The following SAMD12 variants were observed in gnomAD, a reference collection of about 807,000 sequenced individuals.
The protein encoded by SAMD12 is sterile alpha motif domain containing 12.
SAMD12 carries 9 observed loss-of-function variants against 15.0 expected under a neutral mutation model. The observed-to-expected ratio is 0.60, with a 90% CI of 0.36 to 1.05. The LOEUF (loss-of-function observed/expected upper bound fraction) is 1.05, where lower values mean the gene tolerates loss of function less well. SAMD12 is among the 50% of genes least tolerant of loss of function. SAMD12 has a pLI of 0.01. For missense variants in SAMD12, 230 were observed against 234.2 expected (o/e 0.98, Z 0.12); for synonymous variants, 86 against 90.1 (o/e 0.96, Z 0.25).
At chr8:118,453,772 C>T (rs1296667947) in intron 2 of SAMD12, among the ~76,000 whole-genome samples, 5 of 152,170 alleles carry the variant, frequency 3.3e-5, no homozygotes, top group Admixed American at 2.0e-4. Context: ...TCTCCTGCCT[C>T]GGCCTCCCAA....
chr8:118,563,833 G>A (rs1826775040), intron 2 of SAMD12, among the ~76,000 whole-genome samples: 1 of 152,180 alleles, frequency 6.6e-6, no homozygotes, highest in Admixed American at 6.5e-5. Flanking sequence ...TTATCTGTGA[G>A]TTTTGACCAA....
At chr8:118,284,543 A>G (rs889530383) in intron 4 of SAMD12, 31 of 337,638 alleles carry the variant, frequency 9.2e-5, no homozygotes, top group African/African-American at 6.3e-4. Flanking sequence ...ACTGACTGGA[A>G]ATGGTGATGT....
the SAMD12 span, among the ~76,000 whole-genome samples, chr8:118,150,997 G>T: frequency 6.6e-6 from 1 of 152,056 alleles, no homozygotes; most frequent in Non-Finnish European, 1.5e-5. Context: ...TTGAGCCCAG[G>T]AGTCAAGTCC....
rs1319946105 is a variant in SAMD12 at position 118,270,601 on chromosome 8, T to C, written c.434-72869A>G. ...TTACTTTTGCTGTACATGTAGCACATTGAAAGAAAACATTCCTCATTTTTA... is the reference window on the plus strand; with the variant it reads ...TTACTTTTGCTGTACATGTAGCACACTGAAAGAAAACATTCCTCATTTTTA... On this transcript the variant is annotated intron_variant, in intron 4 of 4. Coordinates refer to the SAMD12 transcript ENST00000409003. Among the ~76,000 whole-genome samples the C allele has an allele frequency of 5.3e-5, 8 of 152,332 alleles. No individual in the cohort carries two copies. In the South Asian group the frequency reaches 1.4e-3, roughly 28 times the overall value.
chr8:118,301,831 T>G (rs1051275048), intron 4 of SAMD12, among the ~76,000 whole-genome samples: 1 of 152,188 alleles, frequency 6.6e-6, no homozygotes, highest in African/African-American at 2.4e-5. Flanking sequence ...TTCTTTATGT[T>G]ATTCTTACAG....
At chr8:118,309,468 A>G (rs1267274231) in intron 4 of SAMD12, among the ~76,000 whole-genome samples, 2 of 151,774 alleles carry the variant, frequency 1.3e-5, no homozygotes, top group African/African-American at 4.8e-5. Flanking sequence ...GGCCAGTTCC[A>G]TATTTTTGCA....
At chr8:118,309,685 C>G (rs971258055) in intron 4 of SAMD12, among the ~76,000 whole-genome samples, 4 of 152,212 alleles carry the variant, frequency 2.6e-5, no homozygotes, top group Non-Finnish European at 5.9e-5. Flanking sequence ...AAAATCCAAC[C>G]TATAGGCCTT....
chr8:118,256,701 G>GCCAGCT (rs1418503205), intron 4 of SAMD12, among the ~76,000 whole-genome samples: 1 of 151,030 alleles, frequency 6.6e-6, no homozygotes, highest in African/African-American at 2.4e-5. Flanking sequence ...TATGTAAATG[G>GCCAGCT]CCAGCTCCTA....
chr8:118,222,805 G>A (rs190701875), intron 4 of SAMD12, among the ~76,000 whole-genome samples: 4 of 152,186 alleles, frequency 2.6e-5, no homozygotes, highest in African/African-American at 7.2e-5. Context: ...GCACCCGGCC[G>A]AGGAAGTGCA....
the SAMD12 span, among the ~76,000 whole-genome samples, chr8:118,159,745 C>T: frequency 7.2e-6 from 1 of 137,962 alleles, no homozygotes; most frequent in African/African-American, 2.7e-5. Flanking sequence ...GAGGGCGTCT[C>T]ACTCTTTTCG....
intron 3 of SAMD12, among the ~76,000 whole-genome samples, chr8:118,408,314 A>T (rs10086524): frequency 0.34 from 52,262 of 151,990 alleles, 9,644 homozygotes; most frequent in African/African-American, 0.41. Flanking sequence ...GTACAAGTTA[A>T]GTCATGGTCT....
intron 3 of SAMD12, among the ~76,000 whole-genome samples, chr8:118,392,039 C>A (rs146020245): frequency 0.013 from 2,040 of 152,210 alleles, 30 homozygotes; most frequent in Non-Finnish European, 0.02. Flanking sequence ...ATTTACCTGT[C>A]TAGGATTGCA....
the SAMD12 span, among the ~76,000 whole-genome samples, chr8:118,161,811 G>A: frequency 6.6e-5 from 10 of 151,844 alleles, no homozygotes; most frequent in African/African-American, 1.7e-4. Context: ...TATAAACACA[G>A]GAATGGATCA....
At chr8:118,498,174 T>C (rs1302830517) in intron 2 of SAMD12, among the ~76,000 whole-genome samples, 1 of 152,168 alleles carries the variant, frequency 6.6e-6, no homozygotes, top group African/African-American at 2.4e-5. Context: ...AAATTTACCT[T>C]CACTTTTAAA....
At chr8:118,299,337 A>C (rs967721371) in intron 4 of SAMD12, among the ~76,000 whole-genome samples, 1 of 152,190 alleles carries the variant, frequency 6.6e-6, no homozygotes, top group Admixed American at 6.5e-5. Context: ...GGCAGGTAAG[A>C]GATTCAGCAA....
chr8:118,379,309 G>A lies in SAMD12; in HGVS notation c.*108C>T, dbSNP rs900710115. The A allele has an allele frequency of 6.1e-5, 91 of 1,485,998 alleles. No homozygotes were observed. Among genetic ancestry groups the A allele is most frequent in the Non-Finnish European group, 7.7e-5 (86 of 1,122,316 alleles). The allele number at this position is 1,485,998 out of a possible 1,614,324, so 92.1% of individuals were successfully genotyped here. A position where few individuals can be genotyped will look rare whatever the true frequency, so the allele number is the denominator to read the frequency against. Reference sequence around the variant, plus strand: ...CAGTACACAATCCATACAACTGTACGTGACCACCTTGAAGTTAGCTCAGGT... The same window carrying A: ...CAGTACACAATCCATACAACTGTACATGACCACCTTGAAGTTAGCTCAGGT... On this transcript the variant is annotated 3_prime_UTR_variant, in exon 4 of 4. Transcript: ENST00000314727.
At position 118,450,365 on chromosome 8, in the gene SAMD12, T is replaced by C. The variant is rs555457058; in HGVS notation, c.193-10404A>G. 8.9e-4 allele frequency among the ~76,000 whole-genome samples: 136 copies of C among 152,252 alleles called. No individual in the cohort carries two copies. The Middle Eastern group carries it at 0.014, about 15-fold the overall frequency. On this transcript the variant is annotated intron_variant, in intron 2 of 3. Coordinates refer to ENST00000314727, the MANE Select transcript of SAMD12 (RefSeq NM_207506.3). ...AATGCACAGCCTGTCAAGAGAAATATGGAGGGAGAGGATCACACTGTACTT... is the reference window on the plus strand; with the variant it reads ...AATGCACAGCCTGTCAAGAGAAATACGGAGGGAGAGGATCACACTGTACTT...
intron 4 of SAMD12, among the ~76,000 whole-genome samples, chr8:118,297,776 A>G (rs1400463500): frequency 1.3e-5 from 2 of 152,186 alleles, no homozygotes; most frequent in African/African-American, 2.4e-5. Context: ...TACATATGTA[A>G]TTATGCCTTG....
At chr8:118,598,535 T>C (rs1827779713) in intron 1 of SAMD12, among the ~76,000 whole-genome samples, 2 of 152,212 alleles carry the variant, frequency 1.3e-5, no homozygotes, top group Admixed American at 1.3e-4. Context: ...GATATTTTGT[T>C]ATGGCAGCTC....
Sources: gnomAD v4.1 joint callset for allele counts (sites outside exome capture counted in the v4.1 genomes callset) on GRCh38, gnomAD v4.1.1 for gene constraint, MANE v1.5 for transcripts, NCBI Gene and HGNC (gene_info 2026-07-23, HGNC 2026-07-21) for gene names.